Variants in DPP6 observed in about 807,000 individuals in gnomAD.
DPP6 encodes the protein A-type potassium channel modulatory protein DPP6.
Under a neutral mutation model 122.6 loss-of-function variants are expected in DPP6, and 69 were observed. That is an observed-to-expected ratio of 0.56 (90% CI 0.46 to 0.69). DPP6 has a LOEUF of 0.69. Among genes scored for constraint, DPP6 ranks in the 30% least tolerant of loss-of-function variants. The pLI, the probability that DPP6 is intolerant of heterozygous loss-of-function variation, is 0.00. For missense variants in DPP6, 928 were observed against 1,116.9 expected (o/e 0.83, Z 2.41); for synonymous variants, 418 against 433.1 (o/e 0.97, Z 0.43).
intron 1 of DPP6, among the ~76,000 whole-genome samples, chr7:154,382,182 C>T (rs1402831356): frequency 7.3e-5 from 11 of 150,154 alleles, no homozygotes; most frequent in African/African-American, 2.0e-4. Flanking sequence ...TGCTCAAAAT[C>T]GTCCGCATTT....
At chr7:153,930,644 A>G (rs1467300988) in intron 1 of DPP6, among the ~76,000 whole-genome samples, 1 of 152,168 alleles carries the variant, frequency 6.6e-6, no homozygotes, top group Non-Finnish European at 1.5e-5. Flanking sequence ...TTGTGTTCTT[A>G]CCGAAAGACT....
At chr7:153,843,935 G>A in the DPP6 span, among the ~76,000 whole-genome samples, 12 of 152,108 alleles carry the variant, frequency 7.9e-5, no homozygotes, top group African/African-American at 1.2e-4. Context: ...GAAGAGCTGC[G>A]GCAAGATGAG....
At chr7:153,875,877 A>G in the DPP6 span, among the ~76,000 whole-genome samples, 2 of 151,642 alleles carry the variant, frequency 1.3e-5, no homozygotes, top group Non-Finnish European at 2.9e-5. Flanking sequence ...TGAATTAGCA[A>G]ATAAAGACAG....
chr7:154,406,505 GCA>G (rs1317268467), intron 1 of DPP6, among the ~76,000 whole-genome samples: 3 of 151,110 alleles, frequency 2.0e-5, no homozygotes, highest in Non-Finnish European at 4.4e-5. Context: ...ACACATACAT[GCA>G]CACACATCCA....
chr7:154,400,014 G>A (rs773219527), intron 1 of DPP6, among the ~76,000 whole-genome samples: 30 of 152,272 alleles, frequency 2.0e-4, no homozygotes, highest in Non-Finnish European at 3.7e-4. Context: ...ACCTTGGAGG[G>A]AGTGCAGGTG....
intron 7 of DPP6, among the ~76,000 whole-genome samples, chr7:154,671,874 A>ACGTG (rs374807396): frequency 4.5e-4 from 43 of 95,042 alleles, no homozygotes; most frequent in African/African-American, 1.6e-3. Flanking sequence ...GCACACACAC[A>ACGTG]CACACACACA....
intron 7 of DPP6, among the ~76,000 whole-genome samples, chr7:154,696,618 T>G (rs1033206850): frequency 6.6e-6 from 1 of 152,170 alleles, no homozygotes; most frequent in African/African-American, 2.4e-5. Context: ...CTGGTCCCCA[T>G]CCAGGCCCTT....
chr7:153,963,406 G>A lies in DPP6; in HGVS notation c.51+75672G>A, dbSNP rs191851889. On this transcript the variant is annotated intron_variant, in intron 1 of 25. Transcript: ENST00000404039. ...AAAAACCCGAGAAAACCTGGAGAAG[G>A]TGCCCAGGTTGTCTCACTGGTATTT... 9.2e-4 allele frequency among the ~76,000 whole-genome samples: 135 copies of A among 147,372 alleles called. 12 individuals carry two copies. Among genetic ancestry groups the A allele is most frequent in the South Asian group, 2.0e-3 (9 of 4,552 alleles).
At chr7:154,095,409 G>A (rs1385087997) in intron 1 of DPP6, 1 of 141,800 alleles carries the variant, frequency 7.1e-6, no homozygotes, top group Admixed American at 7.3e-5. Context: ...TTAAAAGAAC[G>A]TTTCCCGCAG....
chr7:154,661,755 GGC>G, intron 6 of DPP6, among the ~76,000 whole-genome samples: 2 of 145,372 alleles, frequency 1.4e-5, no homozygotes, highest in Non-Finnish European at 3.0e-5. Context: ...GAATCACCAT[GGC>G]GTGTTGGCCC....
chr7:154,028,757 C>T (rs1389807453), intron 1 of DPP6, among the ~76,000 whole-genome samples: 2 of 152,148 alleles, frequency 1.3e-5, no homozygotes, highest in Non-Finnish European at 2.9e-5. Context: ...CTTCTGCCCA[C>T]TCCATGCTAT....
At chr7:154,756,852 G>A (rs890927682) in intron 8 of DPP6, among the ~76,000 whole-genome samples, 20 of 152,132 alleles carry the variant, frequency 1.3e-4, no homozygotes, top group African/African-American at 4.6e-4. Flanking sequence ...CAAAGCTGTC[G>A]TTCCCTTCTC....
At chr7:154,381,485 A>G (rs1359825256) in intron 1 of DPP6, among the ~76,000 whole-genome samples, 1 of 152,198 alleles carries the variant, frequency 6.6e-6, no homozygotes, top group Admixed American at 6.5e-5. Context: ...ATCTATAGAC[A>G]TATGTGTGTA....
At chr7:153,787,650 A>C in the DPP6 span, among the ~76,000 whole-genome samples, 1 of 149,724 alleles carries the variant, frequency 6.7e-6, no homozygotes, top group Non-Finnish European at 1.5e-5. Context: ...ACGCCCCTCT[A>C]GTCTAGCTAC....
chr7:154,634,620 T>C (rs770430360), intron 5 of DPP6, among the ~76,000 whole-genome samples: 6 of 150,342 alleles, frequency 4.0e-5, no homozygotes, highest in Non-Finnish European at 3.0e-5. Context: ...AAAGCAGTTC[T>C]CTCCTCCTCC....
chr7:154,359,776 C>G (rs1342875744), intron 1 of DPP6, among the ~76,000 whole-genome samples: 2 of 152,176 alleles, frequency 1.3e-5, no homozygotes, highest in African/African-American at 4.8e-5. Flanking sequence ...AAGGCACTTT[C>G]CCAAACACAG....
In DPP6 at chr7:154,889,453, A is replaced by G. The variant is rs760117068; in HGVS notation, c.2378-4A>G. On this transcript the variant is annotated splice_polypyrimidine_tract_variant and splice_region_variant and intron_variant, in intron 24 of 25. Coordinates refer to ENST00000377770, the MANE Select transcript of DPP6 (RefSeq NM_130797.4). ...CTCTCTTTTTTTTTTTTTTTTTTGC[A>G]CAGAAAAAATTCATTTCCAGCACAC... is the stretch of plus-strand genomic sequence containing the variant. 3 of 1,492,956 alleles carry G rather than the reference A, an allele frequency of 2.0e-6. No homozygotes were observed. The highest frequency in any genetic ancestry group is 2.6e-6 in the Non-Finnish European group (3 of 1,134,276). The allele number at this position is 1,492,956 out of a possible 1,614,324, so 92.5% of individuals were successfully genotyped here.
At chr7:153,760,410 T>C in the DPP6 span, among the ~76,000 whole-genome samples, 1 of 152,078 alleles carries the variant, frequency 6.6e-6, no homozygotes, top group Non-Finnish European at 1.5e-5. Context: ...TTGAATGAGA[T>C]TTGTATTGTT....
chr7:154,754,551 G>A (rs2131479072), intron 8 of DPP6, among the ~76,000 whole-genome samples: 1 of 152,218 alleles, frequency 6.6e-6, no homozygotes, highest in Admixed American at 6.5e-5. Context: ...AATGATGATA[G>A]GGTTCACAAT....
Sources: gnomAD v4.1 joint callset for allele counts (sites outside exome capture counted in the v4.1 genomes callset) on GRCh38, gnomAD v4.1.1 for gene constraint, MANE v1.5 for transcripts, NCBI Gene and HGNC (gene_info 2026-07-23, HGNC 2026-07-21) for gene names.